Variants in ZFHX3 observed in about 807,000 individuals in gnomAD.
The protein encoded by ZFHX3 is zinc finger homeobox 3.
A neutral mutation model predicts 279.1 loss-of-function variants in ZFHX3; 42 were observed. That is an observed-to-expected ratio of 0.15 (90% CI 0.12 to 0.19). ZFHX3 has a LOEUF of 0.19. Among genes scored for constraint, ZFHX3 ranks in the 10% least tolerant of loss-of-function variants. The probability of loss-of-function intolerance (pLI) is 1.00; values close to 1 mark genes in which losing one functional copy is unlikely to be tolerated. For synonymous variants in ZFHX3, 2,293 were observed against 1,957.8 expected, an observed-to-expected ratio of 1.17 and a Z score of -4.52; for missense variants, 4,981 against 4,754.0, an observed-to-expected ratio of 1.05 and a Z score of -1.40.
rs769523607 is a variant in ZFHX3, at chr16:73,127,434, T to C, written c.-897+3534A>G. ...TCCCAGGTAGTAGCTGGAGCATCTC[T>C]GTTCCGGAACTGAGACATCAAGCGA... On this transcript the variant is annotated intron_variant, in intron 7 of 17. Coordinates refer to the ZFHX3 transcript ENST00000641206. The C allele has an allele frequency of 5.2e-5, 68 of 1,305,378 alleles. No individual in the cohort carries two copies. The South Asian group carries it at 8.3e-4, about 16-fold the overall frequency. 80.9% of individuals were successfully genotyped at this position (1,305,378 alleles called of 1,614,324 possible). A position where few individuals can be genotyped will look rare whatever the true frequency, so the allele number is the denominator to read the frequency against.
intron 2 of ZFHX3, among the ~76,000 whole-genome samples, chr16:73,576,813 C>T (rs116752759): frequency 0.013 from 2,033 of 152,262 alleles, 42 homozygotes; most frequent in African/African-American, 0.047. Context: ...AAGATTATTT[C>T]GTCACCCAGG....
chr16:73,639,867 CATGAT>C (rs2052558797), intron 2 of ZFHX3, among the ~76,000 whole-genome samples: 2 of 152,082 alleles, frequency 1.3e-5, no homozygotes, highest in Non-Finnish European at 2.9e-5. Flanking sequence ...GAAAAAAAGC[CATGAT>C]AAGAGTATTA....
At chr16:73,291,624 T>C (rs750660910) in intron 4 of ZFHX3, among the ~76,000 whole-genome samples, 1 of 152,166 alleles carries the variant, frequency 6.6e-6, no homozygotes, top group Non-Finnish European at 1.5e-5. Flanking sequence ...TCCCTCTCTG[T>C]AATGGACAGC....
At chr16:73,375,074 TCTC>T (rs2016699547) in intron 3 of ZFHX3, among the ~76,000 whole-genome samples, 1 of 151,664 alleles carries the variant, frequency 6.6e-6, no homozygotes, top group African/African-American at 2.4e-5. Flanking sequence ...TCTTCCTCCT[TCTC>T]CTTCTCTTCT....
chr16:73,200,322 G>A (rs1024914220), intron 5 of ZFHX3, among the ~76,000 whole-genome samples: 14 of 152,040 alleles, frequency 9.2e-5, no homozygotes, highest in African/African-American at 3.4e-4. Flanking sequence ...TATATTACTA[G>A]GAAATATTTT....
rs1245293404 is a variant in ZFHX3 at position 72,899,234 on chromosome 16, C to T, written c.3217-9272G>A. On this transcript the variant is annotated intron_variant, in intron 3 of 9. Coordinates refer to ENST00000268489, the MANE Select transcript of ZFHX3 (RefSeq NM_006885.4). ...ATCTTGAAGTGTAGTCCCCATAATC[C>T]CCATGTATCATGGTAGGGATCTGGT... 2.0e-5 allele frequency among the ~76,000 whole-genome samples: 3 copies of T among 152,066 alleles called. No homozygotes were observed. The East Asian group carries it at 5.8e-4, about 29-fold the overall frequency.
At chr16:73,297,914 G>A (rs1195391100) in intron 4 of ZFHX3, among the ~76,000 whole-genome samples, 1 of 151,926 alleles carries the variant, frequency 6.6e-6, no homozygotes, top group South Asian at 2.1e-4. Context: ...TCCAGGCTTG[G>A]TGACTGACAC....
intron 1 of ZFHX3, among the ~76,000 whole-genome samples, chr16:73,855,832 G>A (rs1030686920): frequency 1.2e-4 from 18 of 152,066 alleles, no homozygotes; most frequent in African/African-American, 4.1e-4. Context: ...CCCAAAGTGT[G>A]GATATCTGGG....
chr16:73,833,047 A>T lies in ZFHX3; in HGVS notation c.-1608+58604T>A, dbSNP rs180771676. Among the ~76,000 whole-genome samples the T allele has an allele frequency of 1.8e-3, 275 of 152,364 alleles. 2 individuals carry two copies. Among genetic ancestry groups the T allele is most frequent in the Non-Finnish European group, 3.5e-3 (235 of 68,036 alleles). ...AAGACTTTCAGAAGTTCTCAAAAATAGTTGTAGATCAGTTTTACATAGGCT... is the reference window on the plus strand; with the variant it reads ...AAGACTTTCAGAAGTTCTCAAAAATTGTTGTAGATCAGTTTTACATAGGCT... On this transcript the variant is annotated intron_variant, in intron 1 of 17. Coordinates refer to the ZFHX3 transcript ENST00000641206.
At chr16:73,403,629 G>C (rs536788154) in intron 3 of ZFHX3, among the ~76,000 whole-genome samples, 1 of 152,292 alleles carries the variant, frequency 6.6e-6, no homozygotes, top group East Asian at 1.9e-4. Context: ...AAGTACCGTG[G>C]AGTTGAACAA....
At chr16:73,068,701 A>G (rs1046213443) in intron 8 of ZFHX3, among the ~76,000 whole-genome samples, 3 of 152,362 alleles carry the variant, frequency 2.0e-5, no homozygotes, top group South Asian at 2.1e-4. Flanking sequence ...AGGGATGATC[A>G]GATGACCAAC....
In ZFHX3 at chr16:72,958,189, G is replaced by C; in HGVS notation, c.1957C>G (p.Arg653Gly). The C allele has an allele frequency of 1.9e-6, 3 of 1,613,374 alleles. No individual in the cohort carries two copies. The highest frequency in any genetic ancestry group is 2.5e-6 in the Non-Finnish European group (3 of 1,179,350). The change falls in exon 2 of 10, where the codon CGC becomes GGC. Residue 653 changes from arginine to glycine, a missense_variant. Physicochemically the swap from Arg to Gly is moderately radical, Grantham distance 125. Coordinates refer to ENST00000268489, the MANE Select transcript of ZFHX3 (RefSeq NM_006885.4). The stretch of plus-strand genomic sequence containing the variant: ...ATGGTCATGTGGCCGCCCAGCGAGC[G>C]GGAGGAGCCCAGGACCGTGTCGCAT... ...PKCDTVLGSSRSLGGHMTMMH... is the reference protein window; with the variant it reads ...PKCDTVLGSSGSLGGHMTMMH...
chr16:73,075,850 T>A (rs1210597404), intron 8 of ZFHX3, among the ~76,000 whole-genome samples: 2 of 152,086 alleles, frequency 1.3e-5, no homozygotes, highest in Non-Finnish European at 2.9e-5. Context: ...CAGGTTGGTC[T>A]CGAACTCCTG....
At chr16:72,892,034 G>C (rs1029910701) in intron 3 of ZFHX3, among the ~76,000 whole-genome samples, 1 of 152,244 alleles carries the variant, frequency 6.6e-6, no homozygotes, top group East Asian at 1.9e-4. Context: ...GAAAATACCA[G>C]AGTGGCCCTG....
intron 1 of ZFHX3, among the ~76,000 whole-genome samples, chr16:73,784,346 C>T (rs1461137736): frequency 7.2e-5 from 11 of 151,776 alleles, no homozygotes; most frequent in Non-Finnish European, 1.6e-4. Context: ...ATATCTAGTG[C>T]CTGACACCTA....
intron 7 of ZFHX3, among the ~76,000 whole-genome samples, chr16:72,804,691 G>A (rs890391212): frequency 2.6e-5 from 4 of 152,156 alleles, no homozygotes; most frequent in African/African-American, 9.7e-5. Flanking sequence ...TACGGGACTA[G>A]TCTCCCACTC....
At chr16:73,551,300 CCTT>C (rs2020200887) in intron 2 of ZFHX3, among the ~76,000 whole-genome samples, 1 of 152,064 alleles carries the variant, frequency 6.6e-6, no homozygotes, top group African/African-American at 2.4e-5. Context: ...AACAACCCTC[CCTT>C]CTTCAAACAA....
chr16:73,670,187 G>A (rs571327574), intron 2 of ZFHX3, among the ~76,000 whole-genome samples: 3 of 152,254 alleles, frequency 2.0e-5, no homozygotes, highest in African/African-American at 7.2e-5. Context: ...CCACTTCCAG[G>A]ACCAAAGACT....
chr16:73,721,577 T>C (rs2053474077), intron 1 of ZFHX3, among the ~76,000 whole-genome samples: 1 of 152,164 alleles, frequency 6.6e-6, no homozygotes, highest in Non-Finnish European at 1.5e-5. Context: ...ACCCAAGCCC[T>C]CTTCCTAACC....
Sources: allele counts gnomAD v4.1 joint callset (sites outside exome capture counted in the v4.1 genomes callset), GRCh38; gene constraint gnomAD v4.1.1; transcripts MANE v1.5; gene names NCBI Gene and HGNC (gene_info 2026-07-23, HGNC 2026-07-21).